Variants in DYM observed in about 807,000 individuals in gnomAD.
DYM encodes dyggve-Melchior-Clausen syndrome protein.
A neutral mutation model predicts 93.1 loss-of-function variants in DYM; 78 were observed. The observed-to-expected ratio is 0.84, with a 90% CI of 0.70 to 1.01. The LOEUF (loss-of-function observed/expected upper bound fraction) is 1.01, where lower values mean the gene tolerates loss of function less well. Among genes scored for constraint, DYM ranks in the 50% least tolerant of loss-of-function variants. DYM has a pLI of 0.00. For synonymous variants in DYM, 321 were observed against 319.7 expected (o/e 1.00, Z -0.04); for missense variants, 789 against 845.0 (o/e 0.93, Z 0.82).
intron 14 of DYM, chr18:49,205,999 T>TTTTG (rs2092464708): frequency 1.8e-5 from 3 of 168,280 alleles, no homozygotes; most frequent in African/African-American, 7.6e-5. Context: ...AGAGTTTTTT[T>TTTTG]TTTGTTTTTT....
chr18:49,440,988 AT>A (rs1400603171), intron 1 of DYM, among the ~76,000 whole-genome samples: 2 of 2,818 alleles, frequency 7.1e-4, no homozygotes, highest in Non-Finnish European at 1.2e-3. Flanking sequence ...ATTATATATA[AT>A]ATATAATATA....
chr18:49,282,006 C>T lies in DYM; in HGVS notation c.1116G>A (p.Met372Ile), dbSNP rs775476671. The T allele has an allele frequency of 3.7e-5, 59 of 1,613,012 alleles. 1 individual carries two copies. The East Asian group carries it at 1.3e-3, about 35-fold the overall frequency. The stretch of plus-strand genomic sequence containing the variant: ...TTAGTATGATACTTACAAGATTTTC[C>T]ATATCTGTGCGAGCCAACATGTATG... ...IRTYMLARTDMENLVLPILEI... is the reference protein window; with the variant it reads ...IRTYMLARTDIENLVLPILEI... The change falls in exon 10 of 18, where the codon ATG becomes ATA. Residue 372 changes from methionine (M) to isoleucine (I), a missense_variant. Met to Ile is a conservative substitution (Grantham distance 10). Transcript: ENST00000675505.
chr18:49,437,741 T>A lies in DYM; in HGVS notation c.-53-7294A>T, dbSNP rs545868581. 8.1e-4 allele frequency among the ~76,000 whole-genome samples: 123 copies of A among 152,350 alleles called. 2 individuals are homozygous for A. Among genetic ancestry groups the A allele is most frequent in the Middle Eastern group, 6.8e-3 (2 of 294 alleles). ...ACCATTGTTTAATCAAACTTTCTGA[T>A]CCTTGCCAACTTAGATTTTTTTTAA... On this transcript the variant is annotated intron_variant, in intron 1 of 17. Coordinates refer to ENST00000675505, the MANE Select transcript of DYM (RefSeq NM_001353214.3).
chr18:49,311,102 G>A (rs1237421713), intron 8 of DYM, among the ~76,000 whole-genome samples: 1 of 152,176 alleles, frequency 6.6e-6, no homozygotes, highest in East Asian at 1.9e-4. Context: ...GTCACATGTG[G>A]CTAGAGGCTT....
At chr18:49,298,075 G>A (rs944364846) in intron 8 of DYM, among the ~76,000 whole-genome samples, 4 of 152,200 alleles carry the variant, frequency 2.6e-5, no homozygotes, top group Middle Eastern at 3.4e-3. Flanking sequence ...AAGCACTCTT[G>A]AAATATCTGG....
intron 8 of DYM, among the ~76,000 whole-genome samples, chr18:49,317,650 T>TC (rs1555690539): frequency 0.13 from 9,377 of 73,216 alleles, 976 homozygotes; most frequent in East Asian, 0.36. Context: ...TCTCCTCTCC[T>TC]TCCTTCCTTC....
At chr18:49,219,694 C>A (rs1057117805) in intron 13 of DYM, among the ~76,000 whole-genome samples, 1 of 150,348 alleles carries the variant, frequency 6.7e-6, no homozygotes, top group Non-Finnish European at 1.5e-5. Context: ...AGGCCTTTGA[C>A]AAAATTTAAC....
chr18:49,138,505 T>A (rs1198785006), intron 15 of DYM, among the ~76,000 whole-genome samples: 2 of 152,184 alleles, frequency 1.3e-5, no homozygotes, highest in African/African-American at 4.8e-5. Flanking sequence ...TGTTTCACTG[T>A]AATTTACTGG....
chr18:49,273,103 G>C (rs1423237181), intron 10 of DYM, among the ~76,000 whole-genome samples: 1 of 152,124 alleles, frequency 6.6e-6, no homozygotes, highest in African/African-American at 2.4e-5. Flanking sequence ...AGGCTGGTAT[G>C]CAAAGCCCAC....
intron 9 of DYM, among the ~76,000 whole-genome samples, chr18:49,282,409 T>C (rs1457339010): frequency 6.6e-6 from 1 of 152,040 alleles, no homozygotes. Context: ...GGTCAGAAGT[T>C]TGAGACCAGG....
intron 14 of DYM, among the ~76,000 whole-genome samples, chr18:49,166,424 A>G (rs183472347): frequency 2.1e-3 from 325 of 152,272 alleles, no homozygotes; most frequent in Non-Finnish European, 3.0e-3. Context: ...CCAAATTTTT[A>G]TATTATAAAC....
intron 6 of DYM, among the ~76,000 whole-genome samples, chr18:49,362,749 G>C (rs1257196086): frequency 6.6e-6 from 1 of 152,160 alleles, no homozygotes; most frequent in Non-Finnish European, 1.5e-5. Flanking sequence ...AAGAAGGCTG[G>C]AAACGAAAAC....
chr18:49,123,260 T>C (rs963710252), intron 15 of DYM, among the ~76,000 whole-genome samples: 11 of 152,206 alleles, frequency 7.2e-5, no homozygotes, highest in African/African-American at 2.7e-4. Context: ...CTTCCAAATC[T>C]ATAGGTTATG....
rs2070755731 is a variant in DYM at position 49,037,690 on chromosome 18, T to A, written c.*6365A>T. Among the ~76,000 whole-genome samples, 1 of 152,218 alleles carries A rather than the reference T, an allele frequency of 6.6e-6. No individual in the cohort carries two copies. The highest frequency in any genetic ancestry group is 2.4e-5 in the African/African-American group (1 of 41,446). Reference sequence around the variant, plus strand: ...AGTTCAAAATATTTCAAATTTCCATTAAGATTCTGACAGATGGGTTACCTG... The same window carrying A: ...AGTTCAAAATATTTCAAATTTCCATAAAGATTCTGACAGATGGGTTACCTG... On this transcript the variant is annotated 3_prime_UTR_variant, in exon 18 of 18. Transcript: ENST00000675505.
At chr18:49,301,003 C>A (rs922225213) in intron 8 of DYM, among the ~76,000 whole-genome samples, 5 of 151,978 alleles carry the variant, frequency 3.3e-5, no homozygotes, top group Non-Finnish European at 7.4e-5. Flanking sequence ...TTAAAGTTAG[C>A]AATAGTAAAG....
At chr18:49,406,934 A>G (rs1346634614) in intron 2 of DYM, among the ~76,000 whole-genome samples, 1 of 152,242 alleles carries the variant, frequency 6.6e-6, no homozygotes, top group Admixed American at 6.5e-5. Context: ...AAAAAGTGGT[A>G]ATGATCCAAA....
At position 49,158,043 on chromosome 18, in the gene DYM, T is replaced by C. The variant is rs116271901; in HGVS notation, c.1728+5642A>G. On this transcript the variant is annotated intron_variant, in intron 15 of 17. Transcript: ENST00000675505. ...CAATGACACAAGACCATTTTTCACT[T>C]TCATGCCCTCTTTGAAGAAGCATAA... is the stretch of plus-strand genomic sequence containing the variant. 3.0e-3 allele frequency among the ~76,000 whole-genome samples: 461 copies of C among 152,304 alleles called. 3 individuals carry two copies. The highest frequency in any genetic ancestry group is 0.01 in the African/African-American group (426 of 41,570).
intron 6 of DYM, among the ~76,000 whole-genome samples, chr18:49,337,915 G>C (rs2063792388): frequency 2.0e-5 from 3 of 152,114 alleles, no homozygotes; most frequent in African/African-American, 7.2e-5. Context: ...AGGTCTGGTA[G>C]TTTTGAAGGA....
chr18:49,246,623 A>G (rs1003770195), intron 13 of DYM, among the ~76,000 whole-genome samples: 4 of 152,166 alleles, frequency 2.6e-5, no homozygotes, highest in East Asian at 3.8e-4. Flanking sequence ...TAATATTCCC[A>G]TATGTAAAAT....
Sources: gnomAD v4.1 joint callset for allele counts (sites outside exome capture counted in the v4.1 genomes callset) on GRCh38, gnomAD v4.1.1 for gene constraint, MANE v1.5 for transcripts, NCBI Gene and HGNC (gene_info 2026-07-23, HGNC 2026-07-21) for gene names.